The following SPAG16 variants were observed in gnomAD, a reference collection of about 807,000 sequenced individuals.
SPAG16 encodes the protein sperm-associated antigen 16 protein.
A neutral mutation model predicts 80.4 loss-of-function variants in SPAG16; 86 were observed. The observed-to-expected ratio is 1.07, with a 90% confidence interval of 0.90 to 1.28. The LOEUF (loss-of-function observed/expected upper bound fraction) is 1.28. Ranked by LOEUF, SPAG16 falls within the 50% of genes most tolerant of loss-of-function variation. SPAG16 has a pLI of 0.00. For synonymous variants in SPAG16, 294 were observed against 265.9 expected, an observed-to-expected ratio of 1.11 and a Z score of -1.03; for missense variants, 870 against 765.3, an observed-to-expected ratio of 1.14 and a Z score of -1.61.
intron 13 of SPAG16, among the ~76,000 whole-genome samples, chr2:214,059,210 A>ATGTGTG (rs1306215210): frequency 1.2e-5 from 1 of 82,354 alleles, no homozygotes; most frequent in African/African-American, 4.4e-5. Flanking sequence ...ATATATATAT[A>ATGTGTG]TATATGTATG....
chr2:213,451,791 C>T (rs2071707650), intron 9 of SPAG16, among the ~76,000 whole-genome samples: 1 of 152,022 alleles, frequency 6.6e-6, no homozygotes, highest in African/African-American at 2.4e-5. Flanking sequence ...CTCTAGTAGT[C>T]CCCACCCCTT....
At chr2:214,336,305 C>A (rs908627932) in intron 15 of SPAG16, among the ~76,000 whole-genome samples, 1 of 152,066 alleles carries the variant, frequency 6.6e-6, no homozygotes, top group Non-Finnish European at 1.5e-5. Flanking sequence ...GGTGGGGTCT[C>A]AAATCACCCT....
chr2:213,395,490 G>T (rs1242375765), intron 9 of SPAG16, among the ~76,000 whole-genome samples: 1 of 152,012 alleles, frequency 6.6e-6, no homozygotes, highest in Non-Finnish European at 1.5e-5. Context: ...AGATTATTTA[G>T]AAGTGTGCTG....
intron 13 of SPAG16, among the ~76,000 whole-genome samples, chr2:214,035,607 G>A (rs1210642795): frequency 6.6e-6 from 1 of 152,186 alleles, no homozygotes; most frequent in Non-Finnish European, 1.5e-5. Flanking sequence ...AGATTGGAGT[G>A]TGCGCCAGGA....
intron 14 of SPAG16, among the ~76,000 whole-genome samples, chr2:214,110,133 AG>A (rs2053589781): frequency 6.6e-6 from 1 of 152,048 alleles, no homozygotes; most frequent in Non-Finnish European, 1.5e-5. Flanking sequence ...CCAATATCAA[AG>A]TAGCTAATTT....
chr2:214,286,726 G>A (rs921662373), intron 15 of SPAG16, among the ~76,000 whole-genome samples: 2 of 152,116 alleles, frequency 1.3e-5, no homozygotes, highest in African/African-American at 2.4e-5. Flanking sequence ...CAGCCTGGGC[G>A]ACAGAGTGAG....
intron 13 of SPAG16, among the ~76,000 whole-genome samples, chr2:214,072,003 A>AT (rs2050808803): frequency 6.6e-6 from 1 of 152,128 alleles, no homozygotes; most frequent in African/African-American, 2.4e-5. Context: ...TGTACAAGCT[A>AT]TTTTTTAAGA....
At chr2:213,422,933 T>A (rs2069686797) in intron 9 of SPAG16, among the ~76,000 whole-genome samples, 1 of 152,228 alleles carries the variant, frequency 6.6e-6, no homozygotes, top group African/African-American at 2.4e-5. Context: ...TAAGTACTTT[T>A]CTCTTCCCTG....
intron 1 of SPAG16, among the ~76,000 whole-genome samples, chr2:213,295,219 T>C (rs899562633): frequency 8.5e-5 from 13 of 152,054 alleles, no homozygotes; most frequent in Non-Finnish European, 1.3e-4. Context: ...GTCAGTGTAA[T>C]CGAAAAAAAT....
intron 10 of SPAG16, among the ~76,000 whole-genome samples, chr2:213,537,619 G>A (rs2076295608): frequency 6.6e-6 from 1 of 152,064 alleles, no homozygotes; most frequent in East Asian, 1.9e-4. Flanking sequence ...ACAGTCAGGT[G>A]TTTTTGGTTT....
intron 13 of SPAG16, among the ~76,000 whole-genome samples, chr2:214,076,545 G>GTGTGTC (rs1553710465): frequency 0.024 from 2,759 of 113,380 alleles, 52 homozygotes; most frequent in East Asian, 0.14. Flanking sequence ...GTGTGTGTCT[G>GTGTGTC]TGTGTGTGTG....
intron 13 of SPAG16, among the ~76,000 whole-genome samples, chr2:214,018,266 C>T (rs2047688003): frequency 6.6e-6 from 1 of 151,750 alleles, no homozygotes; most frequent in Non-Finnish European, 1.5e-5. Context: ...AAAAACAAAA[C>T]AAAACAAAAA....
rs538913015 is a variant in SPAG16 at position 213,565,838 on chromosome 2, A to G, written c.1070+75748A>G. 2.0e-5 allele frequency among the ~76,000 whole-genome samples: 3 copies of G among 152,342 alleles called. No homozygotes were observed. The East Asian group carries it at 5.8e-4, about 29-fold the overall frequency. ...CATAGCCCAGATGAATGCCAGAAGC[A>G]AAAGAGGACATACTGATGATTCAAA... On this transcript the variant is annotated intron_variant, in intron 10 of 15. Transcript: ENST00000331683.
At chr2:214,110,213 A>G (rs1055132290) in intron 14 of SPAG16, among the ~76,000 whole-genome samples, 3 of 152,138 alleles carry the variant, frequency 2.0e-5, no homozygotes, top group Non-Finnish European at 4.4e-5. Flanking sequence ...ATAGGTATAC[A>G]TGTGCCATGT....
rs111406415 is a variant in SPAG16 at position 213,513,424 on chromosome 2, T to TAA, written c.1070+23335_1070+23336dup. On this transcript the variant is annotated intron_variant, in intron 10 of 15. Transcript: ENST00000331683. ...ATTTGGGGTTCACACAGTTATAAAA[T>TAA]AAGTTTATTTCTCATTCAAACCTGG... Among the ~76,000 whole-genome samples the TAA allele has an allele frequency of 7.9e-4, 120 of 152,320 alleles. 2 individuals are homozygous for TAA. The highest frequency in any genetic ancestry group is 3.4e-3 in the Middle Eastern group (1 of 294).
chr2:214,037,898 T>TGTGA, intron 13 of SPAG16, among the ~76,000 whole-genome samples: 1 of 151,594 alleles, frequency 6.6e-6, no homozygotes, highest in African/African-American at 2.4e-5. Flanking sequence ...TGTGTGTGTG[T>TGTGA]GTGTGTGTGT....
intron 10 of SPAG16, among the ~76,000 whole-genome samples, chr2:213,589,277 A>G (rs2060594698): frequency 6.6e-6 from 1 of 152,216 alleles, no homozygotes; most frequent in Admixed American, 6.5e-5. Context: ...ATATCTCTAC[A>G]TCATTACTTT....
At position 214,190,356 on chromosome 2, in the gene SPAG16, T is replaced by A. The variant is rs1295611639; in HGVS notation, c.1720+41090T>A. Among the ~76,000 whole-genome samples the A allele has an allele frequency of 3.3e-5, 5 of 152,124 alleles. No individual in the cohort carries two copies. In the East Asian group the frequency reaches 5.8e-4, roughly 18 times the overall value. ...TTATATAGGAGAAATAATTTGAAAA[T>A]TTTTGAGCAGTGCACTTCAATTTTC... On this transcript the variant is annotated intron_variant, in intron 15 of 15. Coordinates refer to ENST00000331683, the MANE Select transcript of SPAG16 (RefSeq NM_024532.5).
intron 10 of SPAG16, among the ~76,000 whole-genome samples, chr2:213,673,070 G>A (rs2125228115): frequency 6.6e-6 from 1 of 151,904 alleles, no homozygotes; most frequent in Non-Finnish European, 1.5e-5. Flanking sequence ...TGTGCGTGTG[G>A]ATATTCAAAA....
Sources: allele counts gnomAD v4.1 joint callset (sites outside exome capture counted in the v4.1 genomes callset), GRCh38; gene constraint gnomAD v4.1.1; transcripts MANE v1.5; gene names NCBI Gene and HGNC (gene_info 2026-07-23, HGNC 2026-07-21).